Variants in TFB1M observed in about 807,000 individuals in gnomAD.
TFB1M encodes dimethyladenosine transferase 1, mitochondrial.
In TFB1M, 27 loss-of-function variants were observed where a neutral mutation model predicts 31.1. That is an observed-to-expected ratio of 0.87 (90% CI 0.64 to 1.20). TFB1M has a LOEUF of 1.20. Among genes scored for constraint, TFB1M ranks in the 50% most tolerant of loss-of-function variants. TFB1M has a pLI of 0.00. For synonymous variants in TFB1M, 166 were observed against 151.8 expected, an observed-to-expected ratio of 1.09 and a Z score of -0.69; for missense variants, 394 against 418.7, an observed-to-expected ratio of 0.94 and a Z score of 0.51.
At chr6:155,272,477 G>A (rs565315152) in intron 5 of TFB1M, among the ~76,000 whole-genome samples, 4 of 151,634 alleles carry the variant, frequency 2.6e-5, no homozygotes, top group South Asian at 2.1e-4. Flanking sequence ...GTTTACATGC[G>A]ACCCCTCCCC....
chr6:155,286,675 A>T (rs980877184), intron 4 of TFB1M, among the ~76,000 whole-genome samples: 1 of 148,982 alleles, frequency 6.7e-6, no homozygotes. Context: ...ATATACATAT[A>T]TATATATTTT....
the TFB1M span, chr6:155,249,874 G>A: frequency 1.2e-6 from 2 of 1,613,812 alleles, no homozygotes; most frequent in Non-Finnish European, 8.5e-7. Context: ...AATGGAGAAA[G>A]TAGCGAGCCA....
At chr6:155,290,724 T>C (rs760123737) in intron 4 of TFB1M, among the ~76,000 whole-genome samples, 2 of 152,180 alleles carry the variant, frequency 1.3e-5, no homozygotes, top group Non-Finnish European at 2.9e-5. Flanking sequence ...CCCACACAAA[T>C]AGAGTACATA....
Position 155,257,114 on chromosome 6 carries a change from A to T in TFB1M, c.*722T>A. On this transcript the variant is annotated 3_prime_UTR_variant, in exon 7 of 7. Transcript: ENST00000367166. ...TTTTATGAAACAGAGAGCCACGGAAAATCATAGTATGATTCAATCCAGATA... is the reference window on the plus strand; with the variant it reads ...TTTTATGAAACAGAGAGCCACGGAATATCATAGTATGATTCAATCCAGATA... 1 of 1,614,010 alleles carries T rather than the reference A, an allele frequency of 6.2e-7. No individual in the cohort carries two copies. Among genetic ancestry groups the T allele is most frequent in the Non-Finnish European group, 8.5e-7 (1 of 1,180,018 alleles).
At chr6:155,253,873 T>C (rs975792970), downstream of TFB1M, 32 of 841,184 alleles carry the variant, frequency 3.8e-5, no homozygotes, top group South Asian at 4.1e-4. Flanking sequence ...CTGGGAATAT[T>C]AGACTTTCTT....
In TFB1M at chr6:155,297,102, G is replaced by C. The variant is rs758489048; in HGVS notation, c.397C>G (p.Pro133Ala). The change falls in exon 4 of 7, where the codon CCT (proline) becomes GCT (alanine). Residue 133 changes from proline (P) to alanine (A), a missense_variant and splice_region_variant. Transcript: ENST00000367166. ...TTTCCAATAATATGTACATTTGGAG[G>C]ATCTGGTGGCAGAGGAAAAAACAAC... Reference protein sequence around the residue: ...ESLKRPWEDDPPNVHIIGNLP... With the variant: ...ESLKRPWEDDAPNVHIIGNLP... 1 of 1,613,128 alleles carries C rather than the reference G, an allele frequency of 6.2e-7. No homozygotes were observed. Among genetic ancestry groups the C allele is most frequent in the African/African-American group, 1.3e-5 (1 of 74,888 alleles).
intron 2 of TFB1M, 150 bp downstream of exon 2, chr6:155,311,038 A>T: frequency 1.2e-6 from 1 of 832,326 alleles, no homozygotes; most frequent in Non-Finnish European, 1.9e-6. Context: ...TCTCCAGACT[A>T]TGGAATCAAA....
chr6:155,298,194 T>C (rs987923217), intron 3 of TFB1M, among the ~76,000 whole-genome samples: 2 of 152,220 alleles, frequency 1.3e-5, no homozygotes, highest in African/African-American at 4.8e-5. Flanking sequence ...AATTGATAGT[T>C]TACCCTATCC....
intron 1 of TFB1M, among the ~76,000 whole-genome samples, chr6:155,312,295 G>C (rs1778049526): frequency 6.6e-6 from 1 of 152,264 alleles, no homozygotes; most frequent in Non-Finnish European, 1.5e-5. Flanking sequence ...GAGGGAATTA[G>C]CATCCACTGA....
intron 4 of TFB1M, among the ~76,000 whole-genome samples, chr6:155,287,551 A>AGAGTGTGTGTGTGT (rs1554255042): frequency 6.8e-6 from 1 of 147,518 alleles, no homozygotes; most frequent in Non-Finnish European, 1.5e-5. Context: ...ATTTACTCTG[A>AGAGTGTGTGTGTGT]GTGTGTGTGT....
intron 2 of TFB1M, among the ~76,000 whole-genome samples, chr6:155,301,684 T>C (rs1562421694): frequency 1.3e-5 from 2 of 152,218 alleles, no homozygotes; most frequent in Non-Finnish European, 2.9e-5. Flanking sequence ...AAATGAGATG[T>C]ATGCCAGTTT....
chr6:155,244,186 C>A, the TFB1M span: 1 of 1,117,224 alleles, frequency 9.0e-7, no homozygotes, highest in Non-Finnish European at 1.3e-6. Context: ...AAAGAACATC[C>A]CAAGACTTAA....
chr6:155,237,723 G>A, the TFB1M span, among the ~76,000 whole-genome samples: 1 of 152,264 alleles, frequency 6.6e-6, no homozygotes, highest in Non-Finnish European at 1.5e-5. Flanking sequence ...CATGGCTCAA[G>A]CTCTGTGTTG....
Position 155,261,496 on chromosome 6 carries a change from C to A in TFB1M, c.667-1096G>T, listed in dbSNP as rs528075204. On this transcript the variant is annotated intron_variant, in intron 5 of 6. Coordinates refer to ENST00000367166, the MANE Select transcript of TFB1M (RefSeq NM_016020.4). ...TAAACAGATGAAAATGGGAGACTGG[C>A]TTTTCTGGTTGTGTTTCTTTTAGGG... is the stretch of plus-strand genomic sequence containing the variant. Among the ~76,000 whole-genome samples, 3 of 152,288 alleles carry A rather than the reference C, an allele frequency of 2.0e-5. No individual in the cohort carries two copies. The South Asian group carries it at 6.2e-4, about 32-fold the overall frequency.
chr6:155,310,453 A>C (rs1205608579), intron 2 of TFB1M, among the ~76,000 whole-genome samples: 1 of 152,072 alleles, frequency 6.6e-6, no homozygotes, highest in Non-Finnish European at 1.5e-5. Context: ...ATTTCCATCT[A>C]TTTGTTTTAG....
chr6:155,254,504 C>T, downstream of TFB1M: 2 of 1,614,138 alleles, frequency 1.2e-6, no homozygotes, highest in Non-Finnish European at 1.7e-6. Context: ...GTGTGAATTA[C>T]CACTGGAGAA....
At chr6:155,304,305 C>T (rs1450258046) in intron 2 of TFB1M, among the ~76,000 whole-genome samples, 3 of 151,878 alleles carry the variant, frequency 2.0e-5, no homozygotes, top group Admixed American at 1.3e-4. Flanking sequence ...AAACAAAAAA[C>T]CAAAGGCAAT....
Position 155,257,270 on chromosome 6 carries a change from T to C in TFB1M, c.*566A>G. 5 of 880,594 alleles carry C rather than the reference T, an allele frequency of 5.7e-6. No homozygotes were observed. Among genetic ancestry groups the C allele is most frequent in the Non-Finnish European group, 5.0e-6 (3 of 595,566 alleles). The allele number at this position is 880,594 out of a possible 1,614,324, so 54.5% of individuals were successfully genotyped here. A position where few individuals can be genotyped will look rare whatever the true frequency, so the allele number is the denominator to read the frequency against. ...TTCCCACAAAATGGTTGTAAAGATT[T>C]AAGTTATTTTAATTTATTGTGGATC... On this transcript the variant is annotated 3_prime_UTR_variant, in exon 7 of 7. Transcript: ENST00000367166.
chr6:155,257,951 T>C lies in TFB1M; in HGVS notation c.926A>G (p.Lys309Arg). ...HFKSLCDVYR[K>R]MCDEDPQLFA... ...GAGTTGTGGGTCTTCATCACACATT[T>C]TTCTGTATACATCACAGAGGCTCTT... The change falls in exon 7 of 7, where the codon AAA (lysine) becomes AGA (arginine). Residue 309 changes from lysine (K) to arginine (R), a missense_variant. This residue lies in a region of TFB1M where 115 missense variants were observed against 144.1 expected (regional missense o/e 0.80). Transcript: ENST00000367166. The C allele has an allele frequency of 6.2e-7, 1 of 1,614,238 alleles. No homozygotes were observed. Among genetic ancestry groups the C allele is most frequent in the Non-Finnish European group, 8.5e-7 (1 of 1,180,042 alleles).
Sources: gnomAD v4.1 joint callset for allele counts (sites outside exome capture counted in the v4.1 genomes callset) on GRCh38, gnomAD v4.1.1 for gene constraint, gnomAD v4.1.1 regional missense constraint, MANE v1.5 for transcripts, NCBI Gene and HGNC (gene_info 2026-07-23, HGNC 2026-07-21) for gene names.